GFRA1: variants seen among roughly 807,000 people sequenced by gnomAD.
The protein encoded by GFRA1 is GDNF family receptor alpha-1.
A neutral mutation model predicts 51.6 loss-of-function variants in GFRA1; 16 were observed. That is an observed-to-expected ratio of 0.31 (90% CI 0.21 to 0.47). GFRA1 has a LOEUF of 0.47. Ranked by LOEUF, GFRA1 falls within the 20% of genes least tolerant of loss-of-function variation. GFRA1 has a pLI of 1.00. For synonymous variants in GFRA1, 270 were observed against 241.3 expected (o/e 1.12, Z -1.10); for missense variants, 530 against 594.3 (o/e 0.89, Z 1.13).
intron 5 of GFRA1, among the ~76,000 whole-genome samples, chr10:116,159,751 G>A (rs1328868708): frequency 1.3e-5 from 2 of 152,164 alleles, no homozygotes; most frequent in Non-Finnish European, 2.9e-5. Flanking sequence ...GAAGCCCTGT[G>A]GCGTGTGGGC....
intron 5 of GFRA1, among the ~76,000 whole-genome samples, chr10:116,147,258 T>C (rs1044838003): frequency 6.6e-6 from 1 of 152,046 alleles, no homozygotes; most frequent in Non-Finnish European, 1.5e-5. Flanking sequence ...GGGGAACAGC[T>C]AATGGGAGTT....
chr10:116,207,874 A>G (rs1263827604), intron 5 of GFRA1, among the ~76,000 whole-genome samples: 3 of 152,122 alleles, frequency 2.0e-5, no homozygotes, highest in Non-Finnish European at 4.4e-5. Context: ...TGCCCGAGAC[A>G]GCAGAGACTC....
intron 4 of GFRA1, among the ~76,000 whole-genome samples, chr10:116,235,865 T>A (rs971542015): frequency 1.3e-5 from 2 of 152,144 alleles, no homozygotes; most frequent in African/African-American, 2.4e-5. Context: ...GCCGCCATCT[T>A]GTAGGAAAGA....
intron 4 of GFRA1, among the ~76,000 whole-genome samples, chr10:116,240,355 C>T (rs79799424): frequency 3.9e-5 from 6 of 152,304 alleles, no homozygotes; most frequent in African/African-American, 1.4e-4. Flanking sequence ...TGTAGCTCAG[C>T]TGGCGCTCCA....
At chr10:116,143,972 G>A (rs566952586) in intron 5 of GFRA1, among the ~76,000 whole-genome samples, 12 of 152,074 alleles carry the variant, frequency 7.9e-5, no homozygotes, top group Non-Finnish European at 1.6e-4. Flanking sequence ...CTGAATAGAG[G>A]CTCTGAATGA....
At chr10:116,161,307 C>T (rs368353975) in intron 5 of GFRA1, among the ~76,000 whole-genome samples, 7 of 152,166 alleles carry the variant, frequency 4.6e-5, no homozygotes, top group Non-Finnish European at 7.4e-5. Flanking sequence ...ATTTGATGTG[C>T]TATGTTTTTC....
chr10:116,175,479 T>C (rs929920051), intron 5 of GFRA1, among the ~76,000 whole-genome samples: 1 of 152,144 alleles, frequency 6.6e-6, no homozygotes, highest in African/African-American at 2.4e-5. Flanking sequence ...GCATAGATCA[T>C]TAAAGGGCGA....
chr10:116,211,199 T>C lies in GFRA1; in HGVS notation c.433+432A>G, dbSNP rs188987339. Among the ~76,000 whole-genome samples the C allele has an allele frequency of 1.4e-4, 22 of 152,292 alleles. No individual in the cohort carries two copies. The East Asian group carries it at 4.2e-3, about 29-fold the overall frequency. On this transcript the variant is annotated intron_variant, in intron 5 of 10. Coordinates refer to ENST00000355422, the MANE Select transcript of GFRA1 (RefSeq NM_005264.8). Reference sequence around the variant, plus strand: ...TGGCCTTGCCACACCTCTACAACAGTGGCATGTTTGCTTGGCAAAGGAATC... The same window carrying C: ...TGGCCTTGCCACACCTCTACAACAGCGGCATGTTTGCTTGGCAAAGGAATC...
chr10:116,089,687 TCACCCCCC>T lies in GFRA1; in HGVS notation c.1197+46_1197+53del, dbSNP rs1956246063. The T allele has an allele frequency of 4.1e-6, 6 of 1,473,922 alleles. No homozygotes were observed. In the Admixed American group the frequency reaches 8.4e-5, roughly 21 times the overall value. The allele number at this position is 1,473,922 out of a possible 1,614,324, so 91.3% of individuals were successfully genotyped here. ...TTCAGAAAATGGGTCTGCCCGTGTT[TCACCCCCC>T]CACCAGGAAGGGAGCCCCAGCAAGG... is the stretch of plus-strand genomic sequence containing the variant. On this transcript the variant is annotated intron_variant, in intron 9 of 10. Transcript: ENST00000355422.
chr10:116,092,049 G>A (rs1956361355), intron 8 of GFRA1, among the ~76,000 whole-genome samples: 1 of 148,368 alleles, frequency 6.7e-6, no homozygotes, highest in East Asian at 2.1e-4. Flanking sequence ...GTTAAAACTT[G>A]CATTCTGCCA....
chr10:116,219,644 T>C (rs1965790091), intron 4 of GFRA1, among the ~76,000 whole-genome samples: 1 of 152,226 alleles, frequency 6.6e-6, no homozygotes, highest in Admixed American at 6.5e-5. Flanking sequence ...CAAGTAACAT[T>C]GCTTTAATTT....
chr10:116,068,562 C>T (rs968636744), intron 9 of GFRA1, among the ~76,000 whole-genome samples: 1 of 152,122 alleles, frequency 6.6e-6, no homozygotes, highest in Non-Finnish European at 1.5e-5. Flanking sequence ...GGGATGTAGA[C>T]CTGTGAACTT....
Position 116,181,093 on chromosome 10 carries a change from AC to A in GFRA1, c.433+30537del, listed in dbSNP as rs1173645544. Among the ~76,000 whole-genome samples, 3 of 152,334 alleles carry A rather than the reference AC, an allele frequency of 2.0e-5. No individual in the cohort carries two copies. In the East Asian group the frequency reaches 5.8e-4, roughly 29 times the overall value. On this transcript the variant is annotated intron_variant, in intron 5 of 10. Coordinates refer to ENST00000355422, the MANE Select transcript of GFRA1 (RefSeq NM_005264.8). ...GACAATAATGAGCTTAAATAAGCCT[AC>A]TGGACTCCATTTCTGGGAACCCAGG... is the stretch of plus-strand genomic sequence containing the variant.
chr10:116,071,217 C>A (rs1955375965), intron 9 of GFRA1, among the ~76,000 whole-genome samples: 1 of 152,158 alleles, frequency 6.6e-6, no homozygotes, highest in Non-Finnish European at 1.5e-5. Context: ...CTGGGTGACT[C>A]TTCTACCACT....
At chr10:116,074,369 G>T (rs1162998830) in intron 9 of GFRA1, among the ~76,000 whole-genome samples, 3 of 152,174 alleles carry the variant, frequency 2.0e-5, no homozygotes, top group African/African-American at 4.8e-5. Context: ...GCTAAGGAAG[G>T]TTCTGAGAGG....
At chr10:116,088,840 G>C (rs1312999858) in intron 9 of GFRA1, among the ~76,000 whole-genome samples, 1 of 144,852 alleles carries the variant, frequency 6.9e-6, no homozygotes, top group African/African-American at 2.5e-5. Context: ...AGAATGGCGT[G>C]AACCCGGGAG....
intron 5 of GFRA1, among the ~76,000 whole-genome samples, chr10:116,133,554 A>G (rs1958194625): frequency 6.6e-6 from 1 of 152,162 alleles, no homozygotes; most frequent in South Asian, 2.1e-4. Context: ...CAGTTTCCCT[A>G]TTTGTGAGAT....
chr10:116,156,269 A>G (rs1197705311), intron 5 of GFRA1, among the ~76,000 whole-genome samples: 1 of 152,236 alleles, frequency 6.6e-6, no homozygotes, highest in Non-Finnish European at 1.5e-5. Context: ...TAATAGGATC[A>G]TTTCAAAAGG....
At chr10:116,115,004 A>G (rs1957355816) in intron 6 of GFRA1, among the ~76,000 whole-genome samples, 1 of 152,166 alleles carries the variant, frequency 6.6e-6, no homozygotes, top group East Asian at 1.9e-4. Flanking sequence ...AGGTCTGCCT[A>G]ACTCGCAAAC....
Sources: allele counts gnomAD v4.1 joint callset (sites outside exome capture counted in the v4.1 genomes callset), GRCh38; gene constraint gnomAD v4.1.1; transcripts MANE v1.5; gene names NCBI Gene and HGNC (gene_info 2026-07-23, HGNC 2026-07-21).